ARMH4: variants seen among roughly 807,000 people sequenced by gnomAD.
ARMH4 encodes the protein armadillo-like helical domain-containing protein 4.
A neutral mutation model predicts 61.9 loss-of-function variants in ARMH4; 49 were observed. The ratio of observed to expected loss-of-function variants is 0.79; its 90% confidence interval spans 0.63 to 1.00. ARMH4 has a LOEUF of 1.00. Ranked by LOEUF, ARMH4 falls within the 50% of genes least tolerant of loss-of-function variation. ARMH4 has a pLI of 0.00. For synonymous variants in ARMH4, 368 were observed against 341.5 expected (o/e 1.08, Z -0.85); for missense variants, 934 against 930.0 (o/e 1.00, Z -0.06).
At position 58,000,815 on chromosome 14, in the gene ARMH4, T is replaced by A. The variant is rs1160058255; in HGVS notation, c.*3921A>T. 6.6e-6 allele frequency: 1 copy of A among 152,050 alleles called. No homozygotes were observed. Among genetic ancestry groups the A allele is most frequent in the Non-Finnish European group, 1.5e-5 (1 of 68,018 alleles). The allele number at this position is 152,050 out of a possible 1,614,324, so 9.4% of individuals were successfully genotyped here. A position where few individuals can be genotyped will look rare whatever the true frequency, so the allele number is the denominator to read the frequency against. ...TCACCATGTTAGCCAGGATGGTTTC[T>A]ATCTCCTGACCTCATGATCTGCCCA... is the stretch of plus-strand genomic sequence containing the variant. On this transcript the variant is annotated 3_prime_UTR_variant, in exon 8 of 8. Coordinates refer to ENST00000267485, the MANE Select transcript of ARMH4 (RefSeq NM_001001872.4).
chr14:58,133,212 T>A lies in ARMH4; in HGVS notation c.1499A>T (p.Asp500Val). The change falls in exon 3 of 8, where the codon GAC (aspartate) becomes GTC (valine). Residue 500 changes from aspartate (D) to valine (V), a missense_variant. By Grantham distance (152) the Asp-to-Val change is radical. Coordinates refer to ENST00000267485, the MANE Select transcript of ARMH4 (RefSeq NM_001001872.4). ...DSGKTEEEKE[D>V]PSPVSDVPGV... ...AGGAACGTCAGACACAGGAGAGGGG[T>A]CCTCCTTTTCTTCCTCAGTCTTGCC... 6.2e-7 allele frequency: 1 copy of A among 1,613,654 alleles called. No individual in the cohort carries two copies. Among genetic ancestry groups the A allele is most frequent in the South Asian group, 1.1e-5 (1 of 91,046 alleles).
intron 6 of ARMH4, among the ~76,000 whole-genome samples, chr14:58,009,069 G>C (rs1198742247): frequency 1.3e-5 from 2 of 152,182 alleles, no homozygotes; most frequent in African/African-American, 2.4e-5. Flanking sequence ...AATACAGGAA[G>C]TGTCCTTCAA....
chr14:58,145,731 C>T (rs1240654106), intron 1 of ARMH4, among the ~76,000 whole-genome samples: 1 of 152,212 alleles, frequency 6.6e-6, no homozygotes, highest in Non-Finnish European at 1.5e-5. Flanking sequence ...GAACCGCAAG[C>T]CTTTGCTTTT....
chr14:58,022,340 C>A (rs1882868124), intron 5 of ARMH4, among the ~76,000 whole-genome samples: 1 of 152,160 alleles, frequency 6.6e-6, no homozygotes, highest in African/African-American at 2.4e-5. Flanking sequence ...GTGATAATCT[C>A]CCCATCTCCA....
At position 58,092,928 on chromosome 14, in the gene ARMH4, G is replaced by T. The variant is rs531381146; in HGVS notation, c.2089+3796C>A. On this transcript the variant is annotated intron_variant, in intron 5 of 7. Transcript: ENST00000267485. ...ACTCCTGGTGATATGGTTTGGGTGT[G>T]CCCCAACCCAAATCTCATCTTGAAT... Among the ~76,000 whole-genome samples the T allele has an allele frequency of 3.5e-4, 53 of 151,612 alleles. 2 individuals are homozygous for T. Among genetic ancestry groups the T allele is most frequent in the Non-Finnish European group, 6.2e-4 (42 of 67,944 alleles).
At chr14:58,057,409 CTTCAA>C (rs1736773506) in intron 5 of ARMH4, among the ~76,000 whole-genome samples, 3 of 152,142 alleles carry the variant, frequency 2.0e-5, no homozygotes, top group African/African-American at 7.2e-5. Context: ...GAACTATTGT[CTTCAA>C]TTTACAGATG....
At chr14:58,016,949 A>C (rs952903251) in intron 5 of ARMH4, among the ~76,000 whole-genome samples, 1 of 152,204 alleles carries the variant, frequency 6.6e-6, no homozygotes, top group Non-Finnish European at 1.5e-5. Flanking sequence ...TGCCACTTAT[A>C]TTCAACTTTG....
At chr14:58,028,587 T>C (rs770056599) in intron 5 of ARMH4, among the ~76,000 whole-genome samples, 1 of 152,132 alleles carries the variant, frequency 6.6e-6, no homozygotes, top group Non-Finnish European at 1.5e-5. Flanking sequence ...TCAGCTCCCA[T>C]TCCCTGTCCT....
At chr14:58,081,486 C>T (rs1001937913) in intron 5 of ARMH4, among the ~76,000 whole-genome samples, 11 of 151,620 alleles carry the variant, frequency 7.3e-5, no homozygotes, top group African/African-American at 2.7e-4. Flanking sequence ...AAAACACTCT[C>T]AAATTTTAAG....
At chr14:58,130,714 A>G (rs1357015737) in intron 4 of ARMH4, among the ~76,000 whole-genome samples, 1 of 152,198 alleles carries the variant, frequency 6.6e-6, no homozygotes, top group Non-Finnish European at 1.5e-5. Context: ...GTCTTAGTAA[A>G]TAAAGAGACT....
At chr14:58,015,461 C>T (rs959461373) in intron 5 of ARMH4, among the ~76,000 whole-genome samples, 1 of 152,076 alleles carries the variant, frequency 6.6e-6, no homozygotes, top group Admixed American at 6.6e-5. Flanking sequence ...GACCCCGGAG[C>T]GCCATGCCTT....
chr14:58,105,329 A>G (rs1026309502), intron 4 of ARMH4, among the ~76,000 whole-genome samples: 9 of 152,212 alleles, frequency 5.9e-5, no homozygotes, highest in Non-Finnish European at 1.0e-4. Flanking sequence ...TCAAGGTAAA[A>G]GACACGTACA....
chr14:58,105,093 A>G (rs1034613866), intron 4 of ARMH4, among the ~76,000 whole-genome samples: 5 of 152,220 alleles, frequency 3.3e-5, no homozygotes, highest in African/African-American at 4.8e-5. Context: ...TGATGTCATG[A>G]ACATCTCTGA....
intron 5 of ARMH4, among the ~76,000 whole-genome samples, chr14:58,032,876 T>C (rs1053515012): frequency 2.0e-5 from 3 of 152,092 alleles, no homozygotes; most frequent in African/African-American, 7.2e-5. Context: ...CGAGACTATA[T>C]ACCACACCTG....
intron 5 of ARMH4, among the ~76,000 whole-genome samples, chr14:58,080,505 A>G (rs572045789): frequency 6.6e-6 from 1 of 152,304 alleles, no homozygotes; most frequent in East Asian, 1.9e-4. Context: ...TGTAGCCCTA[A>G]TAGAAGTAGA....
At chr14:58,134,139 C>T (rs1393447842) in intron 2 of ARMH4, among the ~76,000 whole-genome samples, 1 of 152,164 alleles carries the variant, frequency 6.6e-6, no homozygotes, top group Non-Finnish European at 1.5e-5. Context: ...TAATTACCAG[C>T]TATTATAACT....
intron 2 of ARMH4, 71 bp from the exon 3 acceptor site, chr14:58,133,412 A>ATTTT: frequency 6.9e-7 from 1 of 1,446,286 alleles, no homozygotes; most frequent in Non-Finnish European, 9.3e-7. Context: ...TCATGATATG[A>ATTTT]TTAAAAACTT....
intron 5 of ARMH4, among the ~76,000 whole-genome samples, chr14:58,077,176 A>G (rs540995667): frequency 2.0e-5 from 3 of 152,344 alleles, no homozygotes; most frequent in Non-Finnish European, 2.9e-5. Flanking sequence ...GCCCTGAGCT[A>G]ACCCACGTTT....
At chr14:58,009,235 T>TA (rs1321677315) in intron 6 of ARMH4, among the ~76,000 whole-genome samples, 3 of 152,150 alleles carry the variant, frequency 2.0e-5, no homozygotes, top group African/African-American at 7.2e-5. Context: ...AATTTCAAGA[T>TA]ACGTTCTATA....
Sources: allele counts gnomAD v4.1 joint callset (sites outside exome capture counted in the v4.1 genomes callset), GRCh38; gene constraint gnomAD v4.1.1; transcripts MANE v1.5; gene names NCBI Gene and HGNC (gene_info 2026-07-23, HGNC 2026-07-21).